DRC1: variants seen among roughly 807,000 people sequenced by gnomAD.
The protein encoded by DRC1 is dynein regulatory complex protein 1.
Under a neutral mutation model 98.7 loss-of-function variants are expected in DRC1, and 74 were observed. The ratio of observed to expected loss-of-function variants is 0.75; its 90% CI spans 0.62 to 0.91. DRC1 has a LOEUF of 0.91. DRC1 is among the 40% of genes least tolerant of loss of function. DRC1 has a pLI of 0.00. For synonymous variants in DRC1, 336 were observed against 334.1 expected, an observed-to-expected ratio of 1.01 and a Z score of -0.06; for missense variants, 875 against 886.0, an observed-to-expected ratio of 0.99 and a Z score of 0.16.
intron 6 of DRC1, 30 bp downstream of exon 6, chr2:26,430,902 C>T (rs753839860): frequency 4.2e-5 from 67 of 1,590,528 alleles, no homozygotes; most frequent in Non-Finnish European, 5.2e-5. Context: ...AAGAGTGATC[C>T]GTGGGGTCTG....
chr2:26,418,471 T>C (rs1372745029), intron 2 of DRC1, among the ~76,000 whole-genome samples: 1 of 139,632 alleles, frequency 7.2e-6, no homozygotes, highest in African/African-American at 2.7e-5. Context: ...GTCATAAAGG[T>C]ATTGTGATAG....
chr2:26,406,813 CTT>C (rs5830010), intron 1 of DRC1, among the ~76,000 whole-genome samples: 6 of 101,594 alleles, frequency 5.9e-5, no homozygotes, highest in Non-Finnish European at 9.2e-5. Flanking sequence ...TGTCACTTTC[CTT>C]TTTTTTTTTT....
intron 12 of DRC1, among the ~76,000 whole-genome samples, 189 bp downstream of exon 12, chr2:26,450,274 C>T (rs1052959976): frequency 6.6e-6 from 1 of 152,196 alleles, no homozygotes; most frequent in Admixed American, 6.5e-5. Context: ...CAGTGTCTCC[C>T]ACCCCTGCCT....
Position 26,440,516 on chromosome 2 carries a change from C to T in DRC1, c.1027C>T (p.Arg343Cys), listed in dbSNP as rs761956789. The T allele has an allele frequency of 1.9e-5, 31 of 1,608,904 alleles. No homozygotes were observed. The highest frequency in any genetic ancestry group is 1.2e-4 in the Admixed American group (7 of 59,776). The stretch of plus-strand genomic sequence containing the variant: ...ATCCCAGCAGAAGAGGAAGATCAAT[C>T]GGTAAGCTAGCATGCAGAGCGTCTT... ...IKSQQKRKIN[R>C]LHDILNNLRS... Residue 343 changes from arginine to cysteine, a missense_variant and splice_region_variant, in exon 8 of 17, where the codon CGC (arginine) becomes TGC (cysteine). Physicochemically the swap from Arg to Cys is radical, Grantham distance 180 (BLOSUM62 -3). Coordinates refer to ENST00000288710, the MANE Select transcript of DRC1 (RefSeq NM_145038.5).
intron 4 of DRC1, among the ~76,000 whole-genome samples, chr2:26,427,801 C>T (rs978534051): frequency 6.6e-6 from 1 of 152,170 alleles, no homozygotes; most frequent in African/African-American, 2.4e-5. Context: ...ATTTTTAGCT[C>T]CCACAAATGA....
Position 26,454,550 on chromosome 2 carries a change from G to T in DRC1, c.1920-97G>T. On this transcript the variant is annotated intron_variant, in intron 14 of 16. Coordinates refer to ENST00000288710, the MANE Select transcript of DRC1 (RefSeq NM_145038.5). The surrounding 1 kb of genome is among the most constrained non-coding windows in gnomAD (Gnocchi z 5.2). ...TAAACTTGGACTGCTGAGTGGGAAG[G>T]TGACAGGTGGGAAAGCAGTAGGCCT... is the stretch of plus-strand genomic sequence containing the variant. The T allele has an allele frequency of 6.5e-7, 1 of 1,532,152 alleles. No individual in the cohort carries two copies. The highest frequency in any genetic ancestry group is 8.9e-7 in the Non-Finnish European group (1 of 1,129,630). 94.9% of individuals were successfully genotyped at this position (1,532,152 alleles called of 1,614,324 possible). A position where few individuals can be genotyped will look rare whatever the true frequency, so the allele number is the denominator to read the frequency against.
chr2:26,441,067 T>A (rs1326085833), intron 8 of DRC1, among the ~76,000 whole-genome samples: 1 of 152,244 alleles, frequency 6.6e-6, no homozygotes, highest in Non-Finnish European at 1.5e-5. Context: ...ATACCGTGGC[T>A]CACTGAAAGG....
chr2:26,453,208 G>C, intron 13 of DRC1, 112 bp from the exon 14 acceptor site: 1 of 1,293,994 alleles, frequency 7.7e-7, no homozygotes, highest in South Asian at 1.4e-5. Context: ...ATGTCTCCCT[G>C]GGCAAGCTGT....
rs1286969548 is a variant in DRC1, at chr2:26,450,095, A to G, written c.1599+10A>G. 6 of 1,609,968 alleles carry G rather than the reference A, an allele frequency of 3.7e-6. No homozygotes were observed. Among genetic ancestry groups the G allele is most frequent in the East Asian group, 2.2e-5 (1 of 44,664 alleles). ...GGATGCCATCTTCTCCGTGAGTCCA[A>G]CGGGGCTGGGAGGACACGGGTGGGG... is the stretch of plus-strand genomic sequence containing the variant. On this transcript the variant is annotated intron_variant, in intron 12 of 16. Coordinates refer to ENST00000288710, the MANE Select transcript of DRC1 (RefSeq NM_145038.5).
At chr2:26,411,810 T>G (rs990861186) in intron 1 of DRC1, among the ~76,000 whole-genome samples, 4 of 150,664 alleles carry the variant, frequency 2.7e-5, no homozygotes, top group Non-Finnish European at 4.4e-5. Context: ...AAAAAAAAAA[T>G]TATAGCATAT....
intron 7 of DRC1, among the ~76,000 whole-genome samples, chr2:26,437,955 G>A (rs892813050): frequency 2.0e-5 from 3 of 151,480 alleles, no homozygotes; most frequent in East Asian, 3.9e-4. Flanking sequence ...TGGGCGTGGC[G>A]GTGGCACACA....
At chr2:26,420,604 A>T (rs932665317) in intron 2 of DRC1, among the ~76,000 whole-genome samples, 16 of 151,378 alleles carry the variant, frequency 1.1e-4, no homozygotes, top group Non-Finnish European at 1.9e-4. Context: ...TGCTTTTTTT[A>T]AAATTTTTTA....
At chr2:26,448,639 C>G in intron 10 of DRC1, 52 bp from the exon 11 acceptor site, 1 of 1,583,566 alleles carries the variant, frequency 6.3e-7, no homozygotes, top group South Asian at 1.1e-5. Flanking sequence ...TCAACTAGCT[C>G]CAGAAATTAT....
At chr2:26,413,379 G>A (rs1678683960) in intron 1 of DRC1, among the ~76,000 whole-genome samples, 1 of 152,156 alleles carries the variant, frequency 6.6e-6, no homozygotes, top group South Asian at 2.1e-4. Flanking sequence ...AAGGATTGTT[G>A]GGTCAGAGGG....
rs539535187 is a variant in DRC1, at chr2:26,431,700, A to G, written c.766-184A>G. Among the ~76,000 whole-genome samples the G allele has an allele frequency of 5.3e-5, 8 of 152,124 alleles. No homozygotes were observed. The East Asian group carries it at 7.7e-4, about 15-fold the overall frequency. ...TTAGAGTTTCTGGAGTAATGACCGC[A>G]TTAGGCAATACAAGCCAAGTCCTAA... On this transcript the variant is annotated intron_variant, in intron 6 of 16. Transcript: ENST00000288710.
chr2:26,440,629 C>T (rs1663695237), intron 8 of DRC1, 112 bp downstream of exon 8: 1 of 1,296,314 alleles, frequency 7.7e-7, no homozygotes, highest in Non-Finnish European at 1.0e-6. Context: ...ATAACCAACA[C>T]TTATTAAAAT....
intron 1 of DRC1, among the ~76,000 whole-genome samples, chr2:26,408,347 G>A (rs1035897110): frequency 6.6e-6 from 1 of 152,188 alleles, no homozygotes; most frequent in Non-Finnish European, 1.5e-5. Context: ...AATATGCACA[G>A]TGGATGCCAG....
intron 1 of DRC1, among the ~76,000 whole-genome samples, chr2:26,412,821 A>G (rs914904729): frequency 3.3e-5 from 5 of 152,140 alleles, no homozygotes; most frequent in African/African-American, 1.2e-4. Flanking sequence ...TCTCCCGCCC[A>G]GGCTGGAGTG....
chr2:26,439,212 C>T (rs1663650604), intron 7 of DRC1, among the ~76,000 whole-genome samples: 2 of 152,104 alleles, frequency 1.3e-5, no homozygotes, highest in Non-Finnish European at 2.9e-5. Flanking sequence ...AGAGCGCTCT[C>T]CCTTCAGGTG....
Sources: gnomAD v4.1 joint callset for allele counts (sites outside exome capture counted in the v4.1 genomes callset) on GRCh38, gnomAD v4.1.1 for gene constraint, Gnocchi (gnomAD v3.1) non-coding constraint, MANE v1.5 for transcripts, NCBI Gene and HGNC (gene_info 2026-07-23, HGNC 2026-07-21) for gene names.